The following AHRR variants were observed in gnomAD, a reference collection of about 807,000 sequenced individuals.
AHRR encodes aryl hydrocarbon receptor repressor.
In AHRR, 28 loss-of-function variants were observed where a neutral mutation model predicts 44.0. The observed-to-expected ratio is 0.64, with a 90% CI of 0.47 to 0.87. The LOEUF is 0.87. AHRR is among the 40% of genes least tolerant of loss of function. The pLI, the probability that AHRR is intolerant of heterozygous loss-of-function variation, is 0.00. For missense variants in AHRR, 990 were observed against 953.9 expected (o/e 1.04, Z -0.50); for synonymous variants, 434 against 407.0 (o/e 1.07, Z -0.80).
intron 1 of AHRR, among the ~76,000 whole-genome samples, chr5:332,126 T>C (rs1741943825): frequency 6.6e-6 from 1 of 152,202 alleles, no homozygotes; most frequent in African/African-American, 2.4e-5. Flanking sequence ...GCTCTTGGTA[T>C]TTATTTATGA....
At chr5:426,917 ATGGATGGATGGAAACATGGC>A (rs1736435647) in intron 7 of AHRR, among the ~76,000 whole-genome samples, 1 of 148,442 alleles carries the variant, frequency 6.7e-6, no homozygotes, top group Admixed American at 6.7e-5. Flanking sequence ...GTATGGGAAG[ATGGATGGATGGAAACATGGC>A]TGGATGGATG....
chr5:353,255 G>C (rs1427393803), intron 2 of AHRR, among the ~76,000 whole-genome samples: 1 of 152,192 alleles, frequency 6.6e-6, no homozygotes, highest in Non-Finnish European at 1.5e-5. Flanking sequence ...CCCGGCTGAT[G>C]CCAGGAGGAC....
intron 7 of AHRR, 81 bp from the exon 8 acceptor site, chr5:427,726 C>T (rs376844014): frequency 5.0e-6 from 8 of 1,613,748 alleles, no homozygotes; most frequent in Admixed American, 1.7e-5. Flanking sequence ...GCCGCTGTCG[C>T]GCCCTTGAGT....
intron 4 of AHRR, among the ~76,000 whole-genome samples, chr5:393,919 C>T (rs1172507396): frequency 1.3e-5 from 2 of 152,174 alleles, no homozygotes; most frequent in Non-Finnish European, 1.5e-5. Context: ...TGAGCCGCTG[C>T]GCCCGGCCTA....
Position 354,606 on chromosome 5 carries a change from G to A in AHRR, c.244+695G>A, listed in dbSNP as rs375248495. Among the ~76,000 whole-genome samples, 5 of 152,034 alleles carry A rather than the reference G, an allele frequency of 3.3e-5. No individual in the cohort carries two copies. In the East Asian group the frequency reaches 5.8e-4, roughly 18 times the overall value. ...TCCAGAGAACTCGCAGGTGTAGACC[G>A]TGGGGCCTTTGCTGTTGCGGGAGGG... On this transcript the variant is annotated intron_variant, in intron 3 of 10. Transcript: ENST00000684583.
At position 427,830 on chromosome 5, in the gene AHRR, A is replaced by G. The variant is rs768799918; in HGVS notation, c.732A>G (p.Leu244=). The change falls in exon 8 of 11, where the codon CTA becomes CTG. Residue 244 remains leucine, a synonymous_variant. Coordinates refer to ENST00000684583, the MANE Select transcript of AHRR (RefSeq NM_001377236.1). ...AGACGATGCAGTTTCAAGGAAAACT[A>G]AAATTCCTGTTTGGACAGAAGAAGA... is the stretch of plus-strand genomic sequence containing the variant. ...GFLTMQFQGK[L]KFLFGQKKKA... is the part of the protein sequence containing the mutation. 6.2e-7 allele frequency: 1 copy of G among 1,614,226 alleles called. No individual in the cohort carries two copies. Among genetic ancestry groups the G allele is most frequent in the Non-Finnish European group, 8.5e-7 (1 of 1,180,026 alleles).
At chr5:329,085 A>C (rs1347376289) in intron 1 of AHRR, among the ~76,000 whole-genome samples, 1 of 152,136 alleles carries the variant, frequency 6.6e-6, no homozygotes, top group Non-Finnish European at 1.5e-5. Flanking sequence ...TTCTCATAAG[A>C]TCTGATGGTT....
intron 3 of AHRR, among the ~76,000 whole-genome samples, chr5:365,647 A>T (rs936942298): frequency 7.2e-5 from 11 of 152,196 alleles, no homozygotes; most frequent in African/African-American, 2.7e-4. Context: ...TTAAAATGAT[A>T]AACTTTACAA....
At chr5:354,037 C>G in intron 3 of AHRR, 126 bp downstream of exon 3, 1 of 997,100 alleles carries the variant, frequency 1.0e-6, no homozygotes, top group Non-Finnish European at 1.5e-6. Flanking sequence ...CCCTTCTTCC[C>G]CCACGCTGCC....
At chr5:427,152 C>T (rs775750389) in intron 7 of AHRR, among the ~76,000 whole-genome samples, 1 of 152,096 alleles carries the variant, frequency 6.6e-6, no homozygotes, top group Non-Finnish European at 1.5e-5. Flanking sequence ...AGGGTGGAGC[C>T]ACATTGTGGG....
Position 422,769 on chromosome 5 carries a change from T to C in AHRR, c.482T>C (p.Val161Ala). The change falls in exon 6 of 11, where the codon GTG (valine) becomes GCG (alanine). Residue 161 changes from valine to alanine, a missense_variant. Transcript: ENST00000684583. ...MHQNIYDYIH[V>A]DDRQDFCRQL... Reference sequence around the variant, plus strand: ...CAGAACATTTATGACTACATCCACGTGGACGACCGCCAGGACTTCTGCCGG... The same window carrying C: ...CAGAACATTTATGACTACATCCACGCGGACGACCGCCAGGACTTCTGCCGG... 2 of 1,614,172 alleles carry C rather than the reference T, an allele frequency of 1.2e-6. No homozygotes were observed. The highest frequency in any genetic ancestry group is 1.7e-6 in the Non-Finnish European group (2 of 1,180,028).
At chr5:433,616 C>T (rs566013189) in intron 10 of AHRR, among the ~76,000 whole-genome samples, 6 of 152,364 alleles carry the variant, frequency 3.9e-5, no homozygotes, top group South Asian at 2.1e-4. Flanking sequence ...CCTGCACCCT[C>T]GCCCCACCCT....
At chr5:376,560 G>GAATGAAGGAGAGCC in intron 3 of AHRR, 50 bp from the exon 4 acceptor site, 2 of 194,292 alleles carry the variant, frequency 1.0e-5, no homozygotes, top group Non-Finnish European at 1.9e-5. Flanking sequence ...GAAGAAGAGT[G>GAATGAAGGAGAGCC]GCCAGGCCAA....
At chr5:401,713 C>T (rs1474157775) in intron 4 of AHRR, among the ~76,000 whole-genome samples, 1 of 152,218 alleles carries the variant, frequency 6.6e-6, no homozygotes, top group African/African-American at 2.4e-5. Context: ...GCCGCAGCTT[C>T]TGAGTCACCG....
At chr5:359,537 A>G (rs1299817809) in intron 3 of AHRR, among the ~76,000 whole-genome samples, 1 of 152,208 alleles carries the variant, frequency 6.6e-6, no homozygotes, top group Non-Finnish European at 1.5e-5. Context: ...AGTACCAAAA[A>G]CAAAGTAGGG....
At chr5:373,572 A>G (rs1579635804) in intron 3 of AHRR, among the ~76,000 whole-genome samples, 2 of 152,044 alleles carry the variant, frequency 1.3e-5, no homozygotes, top group South Asian at 4.1e-4. Flanking sequence ...TCCACTCACC[A>G]TGGGCAACTG....
At position 370,461 on chromosome 5, in the gene AHRR, T is replaced by C. The variant is rs969501764; in HGVS notation, c.245-6149T>C. On this transcript the variant is annotated intron_variant, in intron 3 of 10. Coordinates refer to ENST00000684583, the MANE Select transcript of AHRR (RefSeq NM_001377236.1). This position sits in a 1 kb window ranked among gnomAD's most constrained non-coding sequence, Gnocchi z 4.5. ...TCGTAAGGGTCCCTCAGGAGGGAGC[T>C]TGAGCTGGAAGCAGGGGTGAGTGAA... Among the ~76,000 whole-genome samples the C allele has an allele frequency of 1.3e-5, 2 of 152,060 alleles. No individual in the cohort carries two copies. The highest frequency in any genetic ancestry group is 3.9e-4 in the East Asian group (2 of 5,170).
At position 365,093 on chromosome 5, in the gene AHRR, A is replaced by G. The variant is rs183752589; in HGVS notation, c.244+11182A>G. Among the ~76,000 whole-genome samples, 805 of 152,272 alleles carry G rather than the reference A, an allele frequency of 5.3e-3. 3 individuals carry two copies. Among genetic ancestry groups the G allele is most frequent in the Non-Finnish European group, 8.6e-3 (584 of 67,974 alleles). Reference sequence around the variant, plus strand: ...ACTCAGTATTTTATAGAAGAAGTAAATAAAAGCCAGTAAAGGTTATAGAAC... The same window carrying G: ...ACTCAGTATTTTATAGAAGAAGTAAGTAAAAGCCAGTAAAGGTTATAGAAC... On this transcript the variant is annotated intron_variant, in intron 3 of 10. Transcript: ENST00000684583.
chr5:389,705 A>G (rs1185105290), intron 4 of AHRR, among the ~76,000 whole-genome samples: 1 of 151,756 alleles, frequency 6.6e-6, no homozygotes, highest in Non-Finnish European at 1.5e-5. Context: ...CGGCCCAGAG[A>G]AAGGACCAGG....
Sources: gnomAD v4.1 joint callset for allele counts (sites outside exome capture counted in the v4.1 genomes callset) on GRCh38, gnomAD v4.1.1 for gene constraint, Gnocchi (gnomAD v3.1) non-coding constraint, MANE v1.5 for transcripts, NCBI Gene and HGNC (gene_info 2026-07-23, HGNC 2026-07-21) for gene names.